Variants in RRAGC observed in about 807,000 individuals in gnomAD.
RRAGC encodes ras-related GTP-binding protein C.
Under a neutral mutation model 37.1 loss-of-function variants are expected in RRAGC, and 8 were observed. The ratio of observed to expected loss-of-function variants is 0.22; its 90% CI spans 0.13 to 0.39. RRAGC has a LOEUF of 0.39. Ranked by LOEUF, RRAGC falls within the 10% of genes least tolerant of loss-of-function variation. RRAGC has a pLI of 1.00. For missense variants in RRAGC, 342 were observed against 497.6 expected (o/e 0.69, Z 2.98); for synonymous variants, 190 against 181.1 (o/e 1.05, Z -0.39).
intron 4 of RRAGC, 88 bp downstream of exon 4, chr1:38,852,286 G>C: frequency 1.3e-6 from 1 of 788,628 alleles, no homozygotes; most frequent in Non-Finnish European, 2.2e-6. Flanking sequence ...ATTAATTCAA[G>C]ACTTTTTTGG....
At chr1:38,841,675 A>G (rs72658059) in intron 6 of RRAGC, among the ~76,000 whole-genome samples, 3 of 150,844 alleles carry the variant, frequency 2.0e-5, no homozygotes, top group Admixed American at 6.6e-5. Context: ...AAAAAAAAAA[A>G]TTTTTTTAAG....
chr1:38,859,726 G>GCCGCCGCCGCCACCA lies in RRAGC; in HGVS notation c.-95_-81dup, dbSNP rs1161708986. ...GCCGCCGCCTCCCCAGTCCGCCTCC[G>GCCGCCGCCGCCACCA]CCGCCGCCGCCACCACCGCCACCGC... On this transcript the variant is annotated 5_prime_UTR_variant, in exon 1 of 7. Transcript: ENST00000373001. 3.5e-5 allele frequency: 40 copies of GCCGCCGCCGCCACCA among 1,136,118 alleles called. 1 individual carries two copies. In the East Asian group the frequency reaches 8.5e-4, roughly 24 times the overall value. The allele number at this position is 1,136,118 out of a possible 1,614,324, so 70.4% of individuals were successfully genotyped here.
intron 2 of RRAGC, chr1:38,856,658 GACT>G: frequency 4.7e-6 from 2 of 425,790 alleles, no homozygotes; most frequent in Non-Finnish European, 8.3e-6. Context: ...CATCAACTAG[GACT>G]CAAGGATGTA....
Position 38,838,365 on chromosome 1 carries a change from C to T in RRAGC, c.*1188G>A, listed in dbSNP as rs897143645. The T allele has an allele frequency of 6.6e-6, 1 of 152,160 alleles. No homozygotes were observed. The highest frequency in any genetic ancestry group is 6.5e-5 in the Admixed American group (1 of 15,284). 9.4% of individuals were successfully genotyped at this position (152,160 alleles called of 1,614,324 possible). On this transcript the variant is annotated 3_prime_UTR_variant, in exon 7 of 7. Coordinates refer to ENST00000373001, the MANE Select transcript of RRAGC (RefSeq NM_022157.4). ...AAGTCACACTGTTAGCTTTACAGAC[C>T]TGAATATACATATTGCATTAAACAG...
At chr1:38,858,348 C>T (rs1352253214) in intron 1 of RRAGC, among the ~76,000 whole-genome samples, 2 of 152,146 alleles carry the variant, frequency 1.3e-5, no homozygotes, top group African/African-American at 2.4e-5. Context: ...CCAGCTCACT[C>T]CGCGTATAAT....
intron 6 of RRAGC, among the ~76,000 whole-genome samples, chr1:38,843,817 T>G (rs16866179): frequency 0.024 from 3,723 of 152,046 alleles, 156 homozygotes; most frequent in African/African-American, 0.085. Flanking sequence ...TAAAATAAAT[T>G]TTCTGAAAAC....
At chr1:38,843,122 G>A (rs1641984097) in intron 6 of RRAGC, among the ~76,000 whole-genome samples, 1 of 152,068 alleles carries the variant, frequency 6.6e-6, no homozygotes, top group East Asian at 1.9e-4. Context: ...TTGAGGCAAC[G>A]AGTTCAAGAC....
chr1:38,856,867 A>G lies in RRAGC; in HGVS notation c.441+12T>C. ...CCCACCAGGAAAGAGGAGTAAACAC[A>G]TTACTGACTACCTGTGCGTCAATGA... On this transcript the variant is annotated intron_variant, in intron 2 of 6. Coordinates refer to ENST00000373001, the MANE Select transcript of RRAGC (RefSeq NM_022157.4). 1 of 1,612,320 alleles carries G rather than the reference A, an allele frequency of 6.2e-7. No individual in the cohort carries two copies. The highest frequency in any genetic ancestry group is 2.2e-5 in the East Asian group (1 of 44,856).
Position 38,859,717 on chromosome 1 carries a change from TCCGCCTCCGCCGCCGCCGCCACCA to T in RRAGC, c.-95_-72del, listed in dbSNP as rs1034133335. On this transcript the variant is annotated 5_prime_UTR_variant, in exon 1 of 7. Transcript: ENST00000373001. ...CCGAGCCAGGCCGCCGCCTCCCCAG[TCCGCCTCCGCCGCCGCCGCCACCA>T]CCGCCACCGCCCCCGGCAGCCGCCA... The T allele has an allele frequency of 3.0e-5, 36 of 1,203,322 alleles. No homozygotes were observed. Among genetic ancestry groups the T allele is most frequent in the Middle Eastern group, 3.1e-4 (1 of 3,180 alleles). 74.5% of individuals were successfully genotyped at this position (1,203,322 alleles called of 1,614,324 possible).
At chr1:38,854,595 T>TA (rs1642143731) in intron 3 of RRAGC, among the ~76,000 whole-genome samples, 5 of 152,180 alleles carry the variant, frequency 3.3e-5, no homozygotes, top group Admixed American at 2.6e-4. Context: ...CCCAAAAAAA[T>TA]AAGACTGAAT....
At chr1:38,843,086 T>C (rs758531538) in intron 6 of RRAGC, among the ~76,000 whole-genome samples, 4 of 152,090 alleles carry the variant, frequency 2.6e-5, no homozygotes, top group South Asian at 2.1e-4. Flanking sequence ...TCCCGGCACT[T>C]TGGAAGGCTG....
chr1:38,844,225 A>G (rs1308964966), intron 6 of RRAGC, among the ~76,000 whole-genome samples: 1 of 152,108 alleles, frequency 6.6e-6, no homozygotes, highest in Non-Finnish European at 1.5e-5. Flanking sequence ...GGAAATACTC[A>G]TCAACCAATG....
At chr1:38,848,532 A>G (rs1012302900) in intron 5 of RRAGC, among the ~76,000 whole-genome samples, 2 of 152,210 alleles carry the variant, frequency 1.3e-5, no homozygotes, top group Non-Finnish European at 2.9e-5. Context: ...GATTAGAGTG[A>G]CTTGATTTGG....
chr1:38,855,937 A>C (rs778120562), intron 2 of RRAGC, 30 bp from the exon 3 acceptor site: 8 of 1,557,116 alleles, frequency 5.1e-6, no homozygotes, highest in South Asian at 1.2e-5. Flanking sequence ...ATTTTTTAAA[A>C]TAAATCTTAC....
intron 5 of RRAGC, 114 bp from the exon 6 acceptor site, chr1:38,846,201 G>T: frequency 1.2e-6 from 1 of 805,744 alleles, no homozygotes; most frequent in Non-Finnish European, 2.0e-6. Flanking sequence ...AAAGAATACT[G>T]GCTTAAACAT....
chr1:38,854,614 A>C (rs1010855555), intron 3 of RRAGC, among the ~76,000 whole-genome samples: 6 of 152,236 alleles, frequency 3.9e-5, no homozygotes, highest in African/African-American at 1.4e-4. Flanking sequence ...ATTTTTGTGG[A>C]GAGCCACTTA....
Position 38,859,714 on chromosome 1 carries a change from C to A in RRAGC, c.-68G>T. 3.2e-6 allele frequency: 4 copies of A among 1,243,956 alleles called. No individual in the cohort carries two copies. Among genetic ancestry groups the A allele is most frequent in the Non-Finnish European group, 4.0e-6 (4 of 987,782 alleles). The allele number at this position is 1,243,956 out of a possible 1,614,324, so 77.1% of individuals were successfully genotyped here. A position where few individuals can be genotyped will look rare whatever the true frequency, so the allele number is the denominator to read the frequency against. The stretch of plus-strand genomic sequence containing the variant: ...AGGCCGAGCCAGGCCGCCGCCTCCC[C>A]AGTCCGCCTCCGCCGCCGCCGCCAC... On this transcript the variant is annotated 5_prime_UTR_variant, in exon 1 of 7. Coordinates refer to ENST00000373001, the MANE Select transcript of RRAGC (RefSeq NM_022157.4).
chr1:38,857,415 AT>A (rs1402960719), intron 1 of RRAGC, among the ~76,000 whole-genome samples: 1 of 152,180 alleles, frequency 6.6e-6, no homozygotes, highest in Non-Finnish European at 1.5e-5. Context: ...CTGCTTTAAG[AT>A]TATAAAAGTC....
At chr1:38,845,406 A>G (rs1209817741) in intron 6 of RRAGC, among the ~76,000 whole-genome samples, 2 of 152,222 alleles carry the variant, frequency 1.3e-5, no homozygotes, top group Non-Finnish European at 2.9e-5. Flanking sequence ...GTTCTCACTC[A>G]TAAGTAGGGA....
Sources: gnomAD v4.1 joint callset for allele counts (sites outside exome capture counted in the v4.1 genomes callset) on GRCh38, gnomAD v4.1.1 for gene constraint, MANE v1.5 for transcripts, NCBI Gene and HGNC (gene_info 2026-07-23, HGNC 2026-07-21) for gene names.